EIF2AK1: variants seen among roughly 807,000 people sequenced by gnomAD.
EIF2AK1 encodes the protein eukaryotic translation initiation factor 2-alpha kinase 1.
Under a neutral mutation model 77.9 loss-of-function variants are expected in EIF2AK1, and 54 were observed. The observed-to-expected ratio is 0.69, with a 90% CI of 0.56 to 0.87. The LOEUF is 0.87. EIF2AK1 is among the 40% of genes least tolerant of loss of function. The probability of loss-of-function intolerance (pLI) is 0.00; values close to 1 mark genes in which losing one functional copy is unlikely to be tolerated. For synonymous variants in EIF2AK1, 314 were observed against 290.5 expected (o/e 1.08, Z -0.82); for missense variants, 810 against 768.6 (o/e 1.05, Z -0.64).
rs565111553 is a variant in EIF2AK1 at position 6,058,943 on chromosome 7, G to A, written c.118+23C>T. 13 of 1,504,006 alleles carry A rather than the reference G, an allele frequency of 8.6e-6. No individual in the cohort carries two copies. The Admixed American group carries it at 8.9e-5, about 10-fold the overall frequency. 93.2% of individuals were successfully genotyped at this position (1,504,006 alleles called of 1,614,324 possible). On this transcript the variant is annotated intron_variant, in intron 1 of 14. Transcript: ENST00000199389. ...AGGTGGACAGAGAGAGCAGAGCGGC[G>A]ACGCCGCGATCCGATCCCTCACCGT...
At position 6,046,858 on chromosome 7, in the gene EIF2AK1, C is replaced by T. The variant is rs141905514; in HGVS notation, c.549+134G>A. The T allele has an allele frequency of 8.3e-4, 617 of 740,590 alleles. 1 individual carries two copies. Among genetic ancestry groups the T allele is most frequent in the Non-Finnish European group, 1.1e-3 (541 of 480,562 alleles). 45.9% of individuals were successfully genotyped at this position (740,590 alleles called of 1,614,324 possible). ...CAGAGGTTGCAGTGAGCTGAGATTG[C>T]GCCGCGCACTCCAGCCTGGCGACAG... On this transcript the variant is annotated intron_variant, in intron 5 of 14. Coordinates refer to ENST00000199389, the MANE Select transcript of EIF2AK1 (RefSeq NM_014413.4).
In EIF2AK1 at chr7:6,057,184, G is replaced by A. The variant is rs536750282; in HGVS notation, c.118+1782C>T. Among the ~76,000 whole-genome samples, 14 of 140,798 alleles carry A rather than the reference G, an allele frequency of 9.9e-5. No individual in the cohort carries two copies. In the East Asian group the frequency reaches 2.9e-3, roughly 30 times the overall value. The allele number at this position is 140,798 out of a possible 152,430, so 92.4% of individuals were successfully genotyped here. ...GTCTCACTCTGTTGCCCAGGCTGGA[G>A]TGCAGTGGCACGATCTCAGCTCACT... is the stretch of plus-strand genomic sequence containing the variant. On this transcript the variant is annotated intron_variant, in intron 1 of 14. Transcript: ENST00000199389.
intron 1 of EIF2AK1, among the ~76,000 whole-genome samples, chr7:6,058,419 A>G (rs1359916436): frequency 1.3e-5 from 2 of 152,150 alleles, no homozygotes; most frequent in Non-Finnish European, 2.9e-5. Context: ...TGTCTTCAAA[A>G]AAAAACTTGG....
At chr7:6,026,128 C>T (rs1050174865) in intron 14 of EIF2AK1, among the ~76,000 whole-genome samples, 2 of 152,114 alleles carry the variant, frequency 1.3e-5, no homozygotes, top group African/African-American at 2.4e-5. Flanking sequence ...CCATCGGGCA[C>T]ACTCTTCAGC....
In EIF2AK1 at chr7:6,022,598, T is replaced by C. The variant is rs3801030; in HGVS notation, c.*2075A>G. Reference sequence around the variant, plus strand: ...TAAGTCTAGAAAGCCTGTGGGATAGTTCTAGAGGAGGAGCAGAGATGAAGC... The same window carrying C: ...TAAGTCTAGAAAGCCTGTGGGATAGCTCTAGAGGAGGAGCAGAGATGAAGC... On this transcript the variant is annotated 3_prime_UTR_variant, in exon 15 of 15. Transcript: ENST00000199389. The C allele has an allele frequency of 0.21, 32,016 of 152,200 alleles. 3,629 individuals carry two copies. The highest frequency in any genetic ancestry group is 0.33 in the Middle Eastern group (98 of 294). The allele number at this position is 152,200 out of a possible 1,614,324, so 9.4% of individuals were successfully genotyped here.
chr7:6,044,530 C>A, intron 7 of EIF2AK1, 32 bp downstream of exon 7: 1 of 1,587,564 alleles, frequency 6.3e-7, no homozygotes, highest in Non-Finnish European at 8.6e-7. Context: ...TTTGCCAACG[C>A]TTCAACTACC....
intron 2 of EIF2AK1, 126 bp from the exon 3 acceptor site, chr7:6,050,171 AT>A (rs1362709088): frequency 1.3e-6 from 1 of 752,296 alleles, no homozygotes; most frequent in East Asian, 2.8e-5. Context: ...GAAAAATACT[AT>A]ATTTATAAAC....
rs1787679345 is a variant in EIF2AK1 at position 6,024,425 on chromosome 7, A to T, written c.*248T>A. 1 of 1,358,038 alleles carries T rather than the reference A, an allele frequency of 7.4e-7. No homozygotes were observed. Among genetic ancestry groups the T allele is most frequent in the Admixed American group, 3.3e-5 (1 of 30,532 alleles). 84.1% of individuals were successfully genotyped at this position (1,358,038 alleles called of 1,614,324 possible). A position where few individuals can be genotyped will look rare whatever the true frequency, so the allele number is the denominator to read the frequency against. On this transcript the variant is annotated 3_prime_UTR_variant, in exon 15 of 15. Transcript: ENST00000199389. ...GAGGGTCAACAGAGTTGAAAGGAGA[A>T]AATAATTGAGGATGAGGTCCAAGTT...
At chr7:6,025,085 C>T (rs753928704) in intron 14 of EIF2AK1, among the ~76,000 whole-genome samples, 7 of 152,110 alleles carry the variant, frequency 4.6e-5, no homozygotes, top group East Asian at 1.9e-4. Context: ...GTGACCCACC[C>T]GCCTCGACCT....
In EIF2AK1 at chr7:6,024,110, C is replaced by A; in HGVS notation, c.*563G>T. ...GCAAGGGTGTGGTTTTGGAATGACG[C>A]TAAACTGAAGGTGGAGAGAACAGAT... On this transcript the variant is annotated 3_prime_UTR_variant, in exon 15 of 15. Transcript: ENST00000199389. 1 of 1,297,296 alleles carries A rather than the reference C, an allele frequency of 7.7e-7. No homozygotes were observed. The highest frequency in any genetic ancestry group is 1.0e-6 in the Non-Finnish European group (1 of 994,648). 80.4% of individuals were successfully genotyped at this position (1,297,296 alleles called of 1,614,324 possible).
At position 6,041,046 on chromosome 7, in the gene EIF2AK1, G is replaced by T. The variant is rs764100947; in HGVS notation, c.965C>A (p.Thr322Asn). 1 of 1,614,008 alleles carries T rather than the reference G, an allele frequency of 6.2e-7. No homozygotes were observed. Among genetic ancestry groups the T allele is most frequent in the African/African-American group, 1.3e-5 (1 of 74,890 alleles). ...CAAGCCATTTTCCTGGAGCTCCAGGGTCGACTCAAGTTCACCAGATTCTCT... is the reference window on the plus strand; with the variant it reads ...CAAGCCATTTTCCTGGAGCTCCAGGTTCGACTCAAGTTCACCAGATTCTCT... The part of the protein sequence containing the change: ...VIRESGELES[T>N]LELQENGLAG... The change falls in exon 9 of 15, where the codon ACC (threonine) becomes AAC (asparagine). Residue 322 changes from threonine to asparagine, a missense_variant. By Grantham distance (65) the Thr-to-Asn change is moderately conservative. Transcript: ENST00000199389.
In EIF2AK1 at chr7:6,026,864, C is replaced by T; in HGVS notation, c.1628G>A (p.Gly543Asp). 1 of 1,614,166 alleles carries T rather than the reference C, an allele frequency of 6.2e-7. No individual in the cohort carries two copies. Among genetic ancestry groups the T allele is most frequent in the South Asian group, 1.1e-5 (1 of 91,088 alleles). The change falls in exon 14 of 15, where the codon GGT becomes GAT. Residue 543 changes from glycine to aspartate, a missense_variant. Gly to Asp is a moderately conservative substitution (Grantham distance 94). Coordinates refer to ENST00000199389, the MANE Select transcript of EIF2AK1 (RefSeq NM_014413.4). ...TTTACGGAGGGATTCCGGCAACTGA[C>T]CAGTTCTTAAACCTGTTAGAACTTC... The part of the protein sequence containing the change: ...RAEVLTGLRT[G>D]QLPESLRKRC...
At chr7:6,044,300 TA>T (rs1450788614) in intron 7 of EIF2AK1, among the ~76,000 whole-genome samples, 14 of 149,044 alleles carry the variant, frequency 9.4e-5, no homozygotes, top group South Asian at 4.3e-4. Flanking sequence ...CTGTCTCTAC[TA>T]AAAAATACCA....
chr7:6,027,904 T>A lies in EIF2AK1; in HGVS notation c.1530+711A>T, dbSNP rs1390504709. 9.0e-6 allele frequency: 4 copies of A among 445,134 alleles called. No individual in the cohort carries two copies. The Admixed American group carries it at 9.7e-5, about 11-fold the overall frequency. The allele number at this position is 445,134 out of a possible 1,614,324, so 27.6% of individuals were successfully genotyped here. On this transcript the variant is annotated intron_variant, in intron 13 of 14. Transcript: ENST00000199389. The surrounding 1 kb of genome is among the most constrained non-coding windows in gnomAD (Gnocchi z 4.5). Reference sequence around the variant, plus strand: ...AAGCAAGACCCATCTCTACAAATAATTTTTTTTATTAGCTGGGTGTGGTAG... The same window carrying A: ...AAGCAAGACCCATCTCTACAAATAAATTTTTTTATTAGCTGGGTGTGGTAG...
intron 14 of EIF2AK1, chr7:6,026,496 C>G (rs1172418351): frequency 8.9e-6 from 6 of 677,534 alleles, no homozygotes; most frequent in Non-Finnish European, 1.7e-5. Flanking sequence ...CCAGCAGATA[C>G]CTCCTGTGCC....
chr7:6,043,459 C>T (rs922897275), intron 7 of EIF2AK1, among the ~76,000 whole-genome samples: 5 of 151,872 alleles, frequency 3.3e-5, no homozygotes, highest in South Asian at 2.1e-4. Flanking sequence ...GAGGCAGTCT[C>T]GCTCTGTTGC....
At position 6,033,586 on chromosome 7, in the gene EIF2AK1, T is replaced by C. The variant is rs1787977963; in HGVS notation, c.1332+3838A>G. On this transcript the variant is annotated intron_variant, in intron 11 of 14. Coordinates refer to ENST00000199389, the MANE Select transcript of EIF2AK1 (RefSeq NM_014413.4). This position sits in a 1 kb window ranked among gnomAD's most constrained non-coding sequence, Gnocchi z 4.4. ...AAATATAGGTAGACAATGGATTTTCTTTATTTTTGGTTTTTGTTTTTTGAG... is the reference window on the plus strand; with the variant it reads ...AAATATAGGTAGACAATGGATTTTCCTTATTTTTGGTTTTTGTTTTTTGAG... 6.6e-6 allele frequency among the ~76,000 whole-genome samples: 1 copy of C among 152,082 alleles called. No homozygotes were observed. The highest frequency in any genetic ancestry group is 6.5e-5 in the Admixed American group (1 of 15,278).
In EIF2AK1 at chr7:6,044,406, G is replaced by A. The variant is rs575996550; in HGVS notation, c.730+156C>T. Among the ~76,000 whole-genome samples, 5 of 151,970 alleles carry A rather than the reference G, an allele frequency of 3.3e-5. No individual in the cohort carries two copies. In the South Asian group the frequency reaches 1.0e-3, roughly 32 times the overall value. ...GAATGGTGTGAACCCAGGAGGCGGA[G>A]CAGCCTGGGCGACAGAGTGAGACTC... On this transcript the variant is annotated intron_variant, in intron 7 of 14. Transcript: ENST00000199389.
chr7:6,027,022 T>C lies in EIF2AK1; in HGVS notation c.1531-61A>G. ...ATACAAAGTTAGAAGAACGTTTCCA[T>C]TTCCGTGTTCCACCCTCCAAACAGG... On this transcript the variant is annotated intron_variant, in intron 13 of 14. Transcript: ENST00000199389. The surrounding 1 kb of genome is among the most constrained non-coding windows in gnomAD (Gnocchi z 4.5). 1 of 1,406,282 alleles carries C rather than the reference T, an allele frequency of 7.1e-7. No individual in the cohort carries two copies. Among genetic ancestry groups the C allele is most frequent in the Non-Finnish European group, 1.0e-6 (1 of 1,001,584 alleles). The allele number at this position is 1,406,282 out of a possible 1,614,324, so 87.1% of individuals were successfully genotyped here. A position where few individuals can be genotyped will look rare whatever the true frequency, so the allele number is the denominator to read the frequency against.
Sources: allele counts gnomAD v4.1 joint callset (sites outside exome capture counted in the v4.1 genomes callset), GRCh38; gene constraint gnomAD v4.1.1; non-coding constraint Gnocchi (gnomAD v3.1); transcripts MANE v1.5; gene names NCBI Gene and HGNC (gene_info 2026-07-23, HGNC 2026-07-21).